The following ZBTB44 variants were observed in gnomAD, a reference collection of about 807,000 sequenced individuals.
ZBTB44 encodes zinc finger and BTB domain-containing protein 44.
In ZBTB44, 15 loss-of-function variants were observed where a neutral mutation model predicts 54.0. That is an observed-to-expected ratio of 0.28 (90% CI 0.19 to 0.43). The LOEUF is 0.43. Ranked by LOEUF, ZBTB44 falls within the 20% of genes least tolerant of loss-of-function variation. The probability of loss-of-function intolerance (pLI) is 1.00; values close to 1 mark genes in which losing one functional copy is unlikely to be tolerated. For synonymous variants in ZBTB44, 230 were observed against 250.1 expected (o/e 0.92, Z 0.76); for missense variants, 487 against 707.1 (o/e 0.69, Z 3.53).
chr11:130,234,261 T>A lies in ZBTB44; in HGVS notation c.1581A>T (p.Val527=). 6.5e-7 allele frequency: 1 copy of A among 1,535,614 alleles called. No homozygotes were observed. Among genetic ancestry groups the A allele is most frequent in the Non-Finnish European group, 8.8e-7 (1 of 1,139,852 alleles). The change falls in exon 6 of 8, where the codon GTA becomes GTT. Residue 527 remains valine (V), a synonymous_variant. Transcript: ENST00000357899. ...ANYFQSSDFL[V]PDYLNQEQEE... ...CTTGTTCCTGGTTTAAGTAGTCCGG[T>A]ACTAGGAAATCACTAGATAAGAGGC...
At chr11:130,248,321 T>C (rs1038380233) in intron 2 of ZBTB44, among the ~76,000 whole-genome samples, 1 of 152,206 alleles carries the variant, frequency 6.6e-6, no homozygotes, top group South Asian at 2.1e-4. Flanking sequence ...GAGTGATTAG[T>C]ACATTTGCCA....
chr11:130,248,922 G>A (rs549763716), intron 2 of ZBTB44, among the ~76,000 whole-genome samples: 1 of 152,022 alleles, frequency 6.6e-6, no homozygotes, highest in Non-Finnish European at 1.5e-5. Flanking sequence ...TGGCCCACAT[G>A]GTGAAACTCC....
rs115365439 is a variant in ZBTB44 at position 130,277,407 on chromosome 11, T to C, written c.-56-15478A>G. Among the ~76,000 whole-genome samples the C allele has an allele frequency of 6.2e-3, 943 of 152,302 alleles. 10 individuals carry two copies. The highest frequency in any genetic ancestry group is 0.021 in the African/African-American group (886 of 41,570). ...TGTCAATTCCCTCCCCCATTTATAG[T>C]AGCATTGTTACAGATATCATATCTG... On this transcript the variant is annotated intron_variant, in intron 1 of 7. Transcript: ENST00000357899.
intron 2 of ZBTB44, among the ~76,000 whole-genome samples, chr11:130,259,245 T>G (rs1480607404): frequency 6.6e-6 from 1 of 152,168 alleles, no homozygotes; most frequent in African/African-American, 2.4e-5. Context: ...TATGGAAATT[T>G]AATGAGATAC....
At chr11:130,285,478 GA>G (rs1389848009) in intron 1 of ZBTB44, 2 of 162,796 alleles carry the variant, frequency 1.2e-5, no homozygotes. Flanking sequence ...TTTTAGTAGA[GA>G]TGAGGTTTCA....
At chr11:130,276,660 C>G (rs994261989) in intron 1 of ZBTB44, among the ~76,000 whole-genome samples, 4 of 152,004 alleles carry the variant, frequency 2.6e-5, no homozygotes, top group Non-Finnish European at 5.9e-5. Context: ...GTCTCAAACT[C>G]CTAAGTGATC....
At chr11:130,306,808 G>C (rs138464729) in intron 1 of ZBTB44, among the ~76,000 whole-genome samples, 2 of 151,960 alleles carry the variant, frequency 1.3e-5, no homozygotes, top group Non-Finnish European at 1.5e-5. Flanking sequence ...ACCAAATATC[G>C]TATGTTCTCA....
chr11:130,236,799 TG>T lies in ZBTB44; in HGVS notation c.1561del (p.Gln521ArgfsTer6). On this transcript the variant is annotated frameshift_variant, in exon 5 of 8. Transcript: ENST00000357899. LOFTEE classifies it high-confidence loss of function. ...HEASELANYFQSSDFLVPDYL... is the reference protein window; with the variant it reads ...HEASELANYFXSSDFLVPDYL... ...TTTTCGTTGTGCACCTCACCTGCTC[TG>T]GAAGTAGTTTGCTAGCTCTGATGCT... 1 of 1,337,954 alleles carries T rather than the reference TG, an allele frequency of 7.5e-7. No homozygotes were observed. The highest frequency in any genetic ancestry group is 9.6e-7 in the Non-Finnish European group (1 of 1,044,908). The allele number at this position is 1,337,954 out of a possible 1,614,324, so 82.9% of individuals were successfully genotyped here. A position where few individuals can be genotyped will look rare whatever the true frequency, so the allele number is the denominator to read the frequency against.
chr11:130,307,016 C>T (rs1942303152), intron 1 of ZBTB44, among the ~76,000 whole-genome samples: 1 of 148,522 alleles, frequency 6.7e-6, no homozygotes, highest in African/African-American at 2.5e-5. Flanking sequence ...AGCCAAAAAC[C>T]ACCTGCACCC....
chr11:130,234,970 T>C (rs1323305435), intron 5 of ZBTB44, among the ~76,000 whole-genome samples: 1 of 152,178 alleles, frequency 6.6e-6, no homozygotes, highest in Admixed American at 6.5e-5. Context: ...ATAGAAAATA[T>C]TTTAAATTTC....
intron 1 of ZBTB44, among the ~76,000 whole-genome samples, chr11:130,305,339 T>C (rs1159794064): frequency 6.6e-6 from 1 of 152,122 alleles, no homozygotes; most frequent in East Asian, 1.9e-4. Flanking sequence ...AGGAACCACA[T>C]TACCTGACTT....
At position 130,239,857 on chromosome 11, in the gene ZBTB44, A is replaced by G; in HGVS notation, c.1058T>C (p.Leu353Pro). Residue 353 changes from leucine to proline, a missense_variant, in exon 3 of 8, where the codon CTT (leucine) becomes CCT (proline). By Grantham distance (98) the Leu-to-Pro change is moderately conservative. This residue lies in a region of ZBTB44 where 277 missense variants were observed against 306.5 expected (regional missense o/e 0.90). Coordinates refer to ENST00000357899, the MANE Select transcript of ZBTB44 (RefSeq NM_001301098.2). The stretch of plus-strand genomic sequence containing the variant: ...AGCATTAGTGCTAGACGTGCTTTGA[A>G]GTGTAGGCAAGCCCTCAGAAACGCC... ...DEGVSEGLPTLQSTSSTNAPP... is the reference protein window; with the variant it reads ...DEGVSEGLPTPQSTSSTNAPP... 1.2e-6 allele frequency: 2 copies of G among 1,612,460 alleles called. No individual in the cohort carries two copies. Among genetic ancestry groups the G allele is most frequent in the Non-Finnish European group, 1.7e-6 (2 of 1,179,038 alleles).
intron 1 of ZBTB44, among the ~76,000 whole-genome samples, chr11:130,274,591 C>T (rs751676010): frequency 6.6e-6 from 1 of 152,116 alleles, no homozygotes; most frequent in Non-Finnish European, 1.5e-5. Flanking sequence ...GAGTCAAATG[C>T]TTTTTCTGCA....
intron 1 of ZBTB44, among the ~76,000 whole-genome samples, chr11:130,282,795 G>A (rs576027377): frequency 1.3e-5 from 2 of 152,128 alleles, no homozygotes; most frequent in Non-Finnish European, 1.5e-5. Flanking sequence ...ATTTAGCCAC[G>A]ACACACGACA....
chr11:130,306,509 A>C (rs947410580), intron 1 of ZBTB44, among the ~76,000 whole-genome samples: 2 of 152,098 alleles, frequency 1.3e-5, no homozygotes, highest in East Asian at 1.9e-4. Flanking sequence ...CTCAAAAAAA[A>C]AAAAGAACTA....
chr11:130,303,955 G>A (rs1264300026), intron 1 of ZBTB44, among the ~76,000 whole-genome samples: 1 of 152,024 alleles, frequency 6.6e-6, no homozygotes, highest in Admixed American at 6.6e-5. Flanking sequence ...TTACTCCAGG[G>A]TAAGTTATGT....
chr11:130,242,352 CTTT>C (rs1450636419), intron 2 of ZBTB44, among the ~76,000 whole-genome samples: 5 of 152,140 alleles, frequency 3.3e-5, no homozygotes, highest in African/African-American at 1.2e-4. Context: ...TATTTTACTT[CTTT>C]GTTCTGATTA....
intron 2 of ZBTB44, among the ~76,000 whole-genome samples, chr11:130,257,809 A>T (rs771399823): frequency 9.9e-5 from 15 of 152,106 alleles, no homozygotes; most frequent in Non-Finnish European, 1.5e-4. Context: ...CTTTTCTTCT[A>T]TCCCTTCCCA....
chr11:130,254,519 A>G lies in ZBTB44; in HGVS notation c.1018+6337T>C, dbSNP rs567344335. On this transcript the variant is annotated intron_variant, in intron 2 of 7. Coordinates refer to ENST00000357899, the MANE Select transcript of ZBTB44 (RefSeq NM_001301098.2). ...TCAGAGAAATGCAAATCAAAACCAC[A>G]ATGAGATACCATCTCACACCAGTTA... Among the ~76,000 whole-genome samples, 14 of 152,372 alleles carry G rather than the reference A, an allele frequency of 9.2e-5. No individual in the cohort carries two copies. The South Asian group carries it at 2.9e-3, about 32-fold the overall frequency.
Sources: gnomAD v4.1 joint callset for allele counts (sites outside exome capture counted in the v4.1 genomes callset) on GRCh38, gnomAD v4.1.1 for gene constraint, gnomAD v4.1.1 regional missense constraint, MANE v1.5 for transcripts, NCBI Gene and HGNC (gene_info 2026-07-23, HGNC 2026-07-21) for gene names.